MDC1: variants seen among roughly 807,000 people sequenced by gnomAD.
The protein encoded by MDC1 is mediator of DNA damage checkpoint 1, also known as mediator of DNA damage checkpoint protein 1.
MDC1 carries 81 observed loss-of-function variants against 142.5 expected under a neutral mutation model. That is an observed-to-expected ratio of 0.57 (90% CI 0.47 to 0.68). The LOEUF is 0.68. Among genes scored for constraint, MDC1 ranks in the 30% least tolerant of loss-of-function variants. MDC1 has a pLI of 0.00. For synonymous variants in MDC1, 797 were observed against 968.4 expected (o/e 0.82, Z 3.29); for missense variants, 2,119 against 2,547.9 (o/e 0.83, Z 3.62).
chr6:30,700,361 G>A lies in MDC1; in HGVS notation c.*104C>T. 8.3e-7 allele frequency: 1 copy of A among 1,200,558 alleles called. No homozygotes were observed. The highest frequency in any genetic ancestry group is 1.1e-6 in the Non-Finnish European group (1 of 882,206). The allele number at this position is 1,200,558 out of a possible 1,614,324, so 74.4% of individuals were successfully genotyped here. ...GATTTCTGGTCCCACCCATGTTCCA[G>A]GACAAGTTGTATCAATATACCCCAA... On this transcript the variant is annotated 3_prime_UTR_variant, in exon 15 of 15. Coordinates refer to ENST00000376406, the MANE Select transcript of MDC1 (RefSeq NM_014641.3).
In MDC1 at chr6:30,704,266, C is replaced by T; in HGVS notation, c.4917G>A (p.Arg1639=). 9 of 1,613,304 alleles carry T rather than the reference C, an allele frequency of 5.6e-6. No individual in the cohort carries two copies. The highest frequency in any genetic ancestry group is 7.6e-6 in the Non-Finnish European group (9 of 1,179,620). The change falls in exon 10 of 15, where the codon AGG becomes AGA. Residue 1639 remains arginine (R), a synonymous_variant. Transcript: ENST00000376406. ...TGACAGAGGACCTATTTGTCTTTCT[C>T]CTAGTGGCCCTAGATGTGAGCTTGG... is the stretch of plus-strand genomic sequence containing the variant. ...VTPKLTSRAT[R]RKTNRSSVKT...
At position 30,708,257 on chromosome 6, in the gene MDC1, G is replaced by A; in HGVS notation, c.2322C>T (p.Ala774=). The change falls in exon 8 of 15, where the codon GCC becomes GCT. Residue 774 remains alanine, a synonymous_variant. Transcript: ENST00000376406. ...ETQPFDTHLE[A]YGPCLSPPRA... ...TAGGTGGAGACAGGCAAGGTCCATA[G>A]GCCTCAAGGTGCGTGTCAAAAGGCT... The A allele has an allele frequency of 6.2e-7, 1 of 1,613,008 alleles. No individual in the cohort carries two copies. Among genetic ancestry groups the A allele is most frequent in the Non-Finnish European group, 8.5e-7 (1 of 1,180,028 alleles).
chr6:30,711,459 G>A lies in MDC1; in HGVS notation c.2174C>T (p.Thr725Ile), dbSNP rs781115062. 1.9e-6 allele frequency: 3 copies of A among 1,613,056 alleles called. No individual in the cohort carries two copies. Among genetic ancestry groups the A allele is most frequent in the South Asian group, 1.1e-5 (1 of 91,088 alleles). ...GGAAGGGCCAAGCTCTTGGGGTGGAGTCAACATGAAGGCCTGGGTAGGTTC... is the reference window on the plus strand; with the variant it reads ...GGAAGGGCCAAGCTCTTGGGGTGGAATCAACATGAAGGCCTGGGTAGGTTC... ...EDEPTQAFML[T>I]PPQELGPSHC... Residue 725 changes from threonine (T) to isoleucine (I), a missense_variant, in exon 7 of 15, where the codon ACT becomes ATT. Coordinates refer to ENST00000376406, the MANE Select transcript of MDC1 (RefSeq NM_014641.3).
chr6:30,713,542 C>A lies in MDC1; in HGVS notation c.587+106G>T. 3 of 1,313,120 alleles carry A rather than the reference C, an allele frequency of 2.3e-6. No individual in the cohort carries two copies. In the South Asian group the frequency reaches 4.2e-5, roughly 18 times the overall value. The allele number at this position is 1,313,120 out of a possible 1,614,324, so 81.3% of individuals were successfully genotyped here. A position where few individuals can be genotyped will look rare whatever the true frequency, so the allele number is the denominator to read the frequency against. ...GCTGAGTGAATGAATATGTATGGTT[C>A]CCCAGCCCCAACTCTCATGATAATC... On this transcript the variant is annotated intron_variant, in intron 4 of 14. Coordinates refer to ENST00000376406, the MANE Select transcript of MDC1 (RefSeq NM_014641.3). This position sits in a 1 kb window ranked among gnomAD's most constrained non-coding sequence, Gnocchi z 4.9.
rs779772071 is a variant in MDC1 at position 30,707,783 on chromosome 6, C to A, written c.2796G>T (p.Glu932Asp). The change falls in exon 8 of 15, where the codon GAG (glutamate) becomes GAT (aspartate). Residue 932 changes from glutamate to aspartate, a missense_variant. Coordinates refer to ENST00000376406, the MANE Select transcript of MDC1 (RefSeq NM_014641.3). ...PVANRECDPAELEEKVPKVIL... is the reference protein window; with the variant it reads ...PVANRECDPADLEEKVPKVIL... ...TCACTTTGGGCACCTTCTCTTCTAA[C>A]TCGGCTGGATCGCACTCTCTGTTTG... 1 of 1,613,134 alleles carries A rather than the reference C, an allele frequency of 6.2e-7. No individual in the cohort carries two copies. Among genetic ancestry groups the A allele is most frequent in the East Asian group, 2.2e-5 (1 of 44,868 alleles).
rs751506751 is a variant in MDC1 at position 30,700,280 on chromosome 6, C to G, written c.*185G>C. 1.2e-5 allele frequency: 6 copies of G among 514,410 alleles called. No individual in the cohort carries two copies. Among genetic ancestry groups the G allele is most frequent in the African/African-American group, 7.8e-5 (4 of 51,260 alleles). 31.9% of individuals were successfully genotyped at this position (514,410 alleles called of 1,614,324 possible). A position where few individuals can be genotyped will look rare whatever the true frequency, so the allele number is the denominator to read the frequency against. ...AATGGCCATTAAAAAAACAAACAAA[C>G]AAACAAAAAACAACCTGTGGCTTCC... is the stretch of plus-strand genomic sequence containing the variant. On this transcript the variant is annotated 3_prime_UTR_variant, in exon 15 of 15. Coordinates refer to ENST00000376406, the MANE Select transcript of MDC1 (RefSeq NM_014641.3).
At position 30,713,194 on chromosome 6, in the gene MDC1, C is replaced by G. The variant is rs1413609117; in HGVS notation, c.748G>C (p.Ala250Pro). The part of the protein sequence containing the change: ...GATVEAKQSE[A>P]EVVTEIQLEK... ...AGCTGGATTTCAGTTACAACTTCAG[C>G]TTCAGACTGCTTTGCCTCTACAGTG... The change falls in exon 5 of 15, where the codon GCT (alanine) becomes CCT (proline). Residue 250 changes from alanine (A) to proline (P), a missense_variant. Ala to Pro is a conservative substitution (Grantham distance 27). Coordinates refer to ENST00000376406, the MANE Select transcript of MDC1 (RefSeq NM_014641.3). This position sits in a 1 kb window ranked among gnomAD's most constrained non-coding sequence, Gnocchi z 4.9. 6.2e-7 allele frequency: 1 copy of G among 1,612,988 alleles called. No individual in the cohort carries two copies. Among genetic ancestry groups the G allele is most frequent in the African/African-American group, 1.3e-5 (1 of 74,942 alleles).
chr6:30,703,157 G>C lies in MDC1; in HGVS notation c.5812C>G (p.Leu1938Val). The change falls in exon 12 of 15, where the codon CTG (leucine) becomes GTG (valine). Residue 1938 changes from leucine to valine, a missense_variant. Coordinates refer to ENST00000376406, the MANE Select transcript of MDC1 (RefSeq NM_014641.3). This position sits in a 1 kb window ranked among gnomAD's most constrained non-coding sequence, Gnocchi z 4.4. ...TDRIRRTVKF[L>V]CALGRGIPIL... ...GGGATTCCCCGCCCCAGGGCACACA[G>C]GAACTTGACTGTCCGGCGGATGCGA... 6.2e-7 allele frequency: 1 copy of C among 1,613,142 alleles called. No homozygotes were observed. Among genetic ancestry groups the C allele is most frequent in the Non-Finnish European group, 8.5e-7 (1 of 1,180,038 alleles).
Position 30,712,785 on chromosome 6 carries a change from G to A in MDC1, c.1157C>T (p.Pro386Leu), listed in dbSNP as rs28986465. 0.024 allele frequency: 38,143 copies of A among 1,612,896 alleles called. 1,278 individuals carry two copies. Among genetic ancestry groups the A allele is most frequent in the African/African-American group, 0.12 (9,026 of 75,008 alleles). ...SDTDVEEGKA[P>L]QAVPLEKSQA... Reference sequence around the variant, plus strand: ...GCTTTTCTCCAGAGGGACAGCCTGTGGGGCCTTGCCTTCTTCCACATCTGT... The same window carrying A: ...GCTTTTCTCCAGAGGGACAGCCTGTAGGGCCTTGCCTTCTTCCACATCTGT... The change falls in exon 5 of 15, where the codon CCA becomes CTA. Residue 386 changes from proline (P) to leucine (L), a missense_variant. Transcript: ENST00000376406. The surrounding 1 kb of genome is among the most constrained non-coding windows in gnomAD (Gnocchi z 4.7).
In MDC1 at chr6:30,712,694, C is replaced by G; in HGVS notation, c.1248G>C (p.Leu416Phe). 4 of 1,613,020 alleles carry G rather than the reference C, an allele frequency of 2.5e-6. No homozygotes were observed. Among genetic ancestry groups the G allele is most frequent in the Non-Finnish European group, 3.4e-6 (4 of 1,180,016 alleles). The stretch of plus-strand genomic sequence containing the variant: ...CAGGCTGGCTCTCTTTCAGATGTGC[C>G]AAAGTCAGCGCTGCTGAGACTTCTT... ...DEEEVSAALT[L>F]AHLKESQPAI... Residue 416 changes from leucine (L) to phenylalanine (F), a missense_variant, in exon 5 of 15, where the codon TTG (leucine) becomes TTC (phenylalanine). Physicochemically the swap from Leu to Phe is conservative, Grantham distance 22. Transcript: ENST00000376406. The surrounding 1 kb of genome is among the most constrained non-coding windows in gnomAD (Gnocchi z 4.7).
intron 7 of MDC1, among the ~76,000 whole-genome samples, chr6:30,708,890 G>T (rs1305106210): frequency 8.1e-6 from 1 of 123,992 alleles, no homozygotes; most frequent in South Asian, 2.7e-4. Context: ...AAGAGAAAAA[G>T]AAAAACATCA....
chr6:30,714,325 TG>T (rs948799360), intron 2 of MDC1, 142 bp from the exon 3 acceptor site: 1 of 862,710 alleles, frequency 1.2e-6, no homozygotes, highest in African/African-American at 1.7e-5. Context: ...ATCTAGGCAC[TG>T]AAAGAGTATA....
In MDC1 at chr6:30,716,025, T is replaced by C. The variant is rs1467667193; in HGVS notation, c.-3-847A>G. Among the ~76,000 whole-genome samples, 2 of 152,176 alleles carry C rather than the reference T, an allele frequency of 1.3e-5. No homozygotes were observed. The highest frequency in any genetic ancestry group is 1.9e-4 in the East Asian group (1 of 5,204). ...AACTCCTTAGCGAGACCCTCCATGA[T>C]CTGAACTTCACATCTTGTAACGCCT... is the stretch of plus-strand genomic sequence containing the variant. On this transcript the variant is annotated intron_variant, in intron 1 of 14. Coordinates refer to ENST00000376406, the MANE Select transcript of MDC1 (RefSeq NM_014641.3). This position sits in a 1 kb window ranked among gnomAD's most constrained non-coding sequence, Gnocchi z 4.4.
chr6:30,714,127 C>A lies in MDC1; in HGVS notation c.193G>T (p.Ala65Ser). Residue 65 changes from alanine to serine, a missense_variant, in exon 3 of 15, where the codon GCC (alanine) becomes TCC (serine). Transcript: ENST00000376406. ...TTGGAGATAGATGGAAAGGGCAGGG[C>A]CACAGAGCAGTCAGGCATTCGGCCT... is the stretch of plus-strand genomic sequence containing the variant. ...VVGRMPDCSV[A>S]LPFPSISKQH... 1.9e-6 allele frequency: 3 copies of A among 1,612,266 alleles called. No individual in the cohort carries two copies. The highest frequency in any genetic ancestry group is 2.5e-6 in the Non-Finnish European group (3 of 1,179,980).
Position 30,704,445 on chromosome 6 carries a change from G to A in MDC1, c.4738C>T (p.Pro1580Ser). 1.9e-6 allele frequency: 3 copies of A among 1,612,228 alleles called. No individual in the cohort carries two copies. The highest frequency in any genetic ancestry group is 2.5e-6 in the Non-Finnish European group (3 of 1,179,468). Reference protein sequence around the residue: ...SIVPIAPELQPSTSRNQLVTP... With the variant: ...SIVPIAPELQSSTSRNQLVTP... ...ACAAGCTGGTTTCTGGAGGTGGAAG[G>A]CTGAAGCTCAGGGGCTATAGGGACA... The change falls in exon 10 of 15, where the codon CCT becomes TCT. Residue 1580 changes from proline to serine, a missense_variant. Pro to Ser is a moderately conservative substitution (Grantham distance 74). Coordinates refer to ENST00000376406, the MANE Select transcript of MDC1 (RefSeq NM_014641.3).
Position 30,712,069 on chromosome 6 carries a change from C to T in MDC1, c.1873G>A (p.Ala625Thr), listed in dbSNP as rs1198795925. 6.3e-7 allele frequency: 1 copy of T among 1,590,320 alleles called. No homozygotes were observed. The highest frequency in any genetic ancestry group is 1.8e-5 in the Admixed American group (1 of 57,082). ...TGTGCCACAGGTGGCCCACCCTGGGCCCCCACCTCATGAGCTCTCTCCTGC... is the reference window on the plus strand; with the variant it reads ...TGTGCCACAGGTGGCCCACCCTGGGTCCCCACCTCATGAGCTCTCTCCTGC... ...LKQERAHEVG[A>T]QGGPPVAQVE... The change falls in exon 5 of 15, where the codon GCC (alanine) becomes ACC (threonine). Residue 625 changes from alanine (A) to threonine (T), a missense_variant. Transcript: ENST00000376406. This position sits in a 1 kb window ranked among gnomAD's most constrained non-coding sequence, Gnocchi z 4.7.
chr6:30,705,608 C>CT lies in MDC1; in HGVS notation c.3574dup (p.Ser1192LysfsTer2). 3.2e-6 allele frequency: 5 copies of CT among 1,571,386 alleles called. No individual in the cohort carries two copies. The highest frequency in any genetic ancestry group is 4.3e-6 in the Non-Finnish European group (5 of 1,164,050). Reference sequence around the variant, plus strand: ...TTCAGGGGTCTTGACAGAGGATCTACTTTTTCTTCCCCTAGTAACCTGAGA... The same window carrying CT: ...TTCAGGGGTCTTGACAGAGGATCTACTTTTTTCTTCCCCTAGTAACCTGAGA... On this transcript the variant is annotated frameshift_variant, in exon 10 of 15. Coordinates refer to ENST00000376406, the MANE Select transcript of MDC1 (RefSeq NM_014641.3). LOFTEE classifies it high-confidence loss of function.
Position 30,703,067 on chromosome 6 carries a change from C to T in MDC1, c.5865+37G>A. The stretch of plus-strand genomic sequence containing the variant: ...TAGGGCACTATATGAGCAGTCTTGC[C>T]ACTATATCGGTCTGTCATCATCCCT... On this transcript the variant is annotated intron_variant, in intron 12 of 14. Coordinates refer to ENST00000376406, the MANE Select transcript of MDC1 (RefSeq NM_014641.3). The surrounding 1 kb of genome is among the most constrained non-coding windows in gnomAD (Gnocchi z 4.4). The T allele has an allele frequency of 6.3e-7, 1 of 1,598,596 alleles. No homozygotes were observed. The highest frequency in any genetic ancestry group is 8.5e-7 in the Non-Finnish European group (1 of 1,170,504).
chr6:30,705,143 G>A lies in MDC1; in HGVS notation c.4040C>T (p.Thr1347Ile), dbSNP rs1451618046. Residue 1347 changes from threonine (T) to isoleucine (I), a missense_variant, in exon 10 of 15, where the codon ACA (threonine) becomes ATA (isoleucine). Thr to Ile is a moderately conservative substitution (Grantham distance 89, BLOSUM62 -1). Transcript: ENST00000376406. ...TGTCCTGCTCCTAGTGGTCCGAGAT[G>A]TGGGCTTAGGGGTGACAGGTTGGTC... ...STDQPVTPKP[T>I]SRTTRSRTNM... is the part of the protein sequence containing the mutation. 4.3e-6 allele frequency: 7 copies of A among 1,610,766 alleles called. No individual in the cohort carries two copies. The South Asian group carries it at 7.7e-5, about 18-fold the overall frequency.
Sources: allele counts gnomAD v4.1 joint callset (sites outside exome capture counted in the v4.1 genomes callset), GRCh38; gene constraint gnomAD v4.1.1; non-coding constraint Gnocchi (gnomAD v3.1); transcripts MANE v1.5; gene names NCBI Gene and HGNC (gene_info 2026-07-23, HGNC 2026-07-21).